Variants in ALX1 observed in about 807,000 individuals in gnomAD.
The protein encoded by ALX1 is ALX homeobox protein 1.
A neutral mutation model predicts 31.7 loss-of-function variants in ALX1; 19 were observed. The ratio of observed to expected loss-of-function variants is 0.60; its 90% CI spans 0.42 to 0.88. The LOEUF (loss-of-function observed/expected upper bound fraction) is 0.88, where lower values mean the gene tolerates loss of function less well. Ranked by LOEUF, ALX1 falls within the 40% of genes least tolerant of loss-of-function variation. The pLI is 0.00. For missense variants in ALX1, 415 were observed against 407.8 expected (o/e 1.02, Z -0.15); for synonymous variants, 153 against 148.8 (o/e 1.03, Z -0.20).
chr12:85,284,923 G>GCT, intron 2 of ALX1, among the ~76,000 whole-genome samples: 2 of 151,994 alleles, frequency 1.3e-5, no homozygotes, highest in East Asian at 3.9e-4. Context: ...AAATTGTAAG[G>GCT]CTCTTACATC....
In ALX1 at chr12:85,286,908, TACA is replaced by T; in HGVS notation, c.592_594del (p.Gln198del). On this transcript the variant is annotated inframe_deletion, in exon 3 of 4. Coordinates refer to ENST00000316824, the MANE Select transcript of ALX1 (RefSeq NM_006982.3). Reference sequence around the variant, plus strand: ...AGAAAAAGGGAACGTTATGGCCAAATACAACAAGCGAAAAGCCATTTTGCTGCC... The same window carrying T: ...AGAAAAAGGGAACGTTATGGCCAAATACAAGCGAAAAGCCATTTTGCTGCC... The T allele has an allele frequency of 6.2e-7, 1 of 1,612,136 alleles. No homozygotes were observed. The highest frequency in any genetic ancestry group is 8.5e-7 in the Non-Finnish European group (1 of 1,178,602).
intron 3 of ALX1, among the ~76,000 whole-genome samples, chr12:85,287,205 T>G (rs1896760057): frequency 6.6e-6 from 1 of 151,818 alleles, no homozygotes; most frequent in Non-Finnish European, 1.5e-5. Flanking sequence ...GGTATTTTTT[T>G]CTTTTGAATT....
chr12:85,301,087 CT>C, intron 3 of ALX1, 67 bp from the exon 4 acceptor site: 1 of 1,579,580 alleles, frequency 6.3e-7, no homozygotes, highest in Non-Finnish European at 8.7e-7. Flanking sequence ...GTAAATACAA[CT>C]TAACAAAAGT....
chr12:85,287,066 A>C, intron 3 of ALX1, 85 bp downstream of exon 3: 10 of 1,430,290 alleles, frequency 7.0e-6, no homozygotes, highest in Non-Finnish European at 9.7e-6. Context: ...GCTTTATTAT[A>C]TGTAAGATAA....
chr12:85,292,407 T>C (rs971192887), intron 3 of ALX1, among the ~76,000 whole-genome samples: 1 of 151,094 alleles, frequency 6.6e-6, no homozygotes, highest in African/African-American at 2.4e-5. Context: ...GAGGTTTCAC[T>C]GAGTATTGTA....
At chr12:85,296,633 A>G (rs1347849869) in intron 3 of ALX1, among the ~76,000 whole-genome samples, 1 of 151,674 alleles carries the variant, frequency 6.6e-6, no homozygotes, top group Non-Finnish European at 1.5e-5. Flanking sequence ...ATTTAAAAAA[A>G]AAGTTTCAGA....
At position 85,301,721 on chromosome 12, in the gene ALX1, T is replaced by C. The variant is rs1896969772; in HGVS notation, c.*246T>C. ...TGTTTTAGTAGTAAGGTTTTCTTTT[T>C]CTATTGTACAAGTCAATGAAATATG... On this transcript the variant is annotated 3_prime_UTR_variant, in exon 4 of 4. Coordinates refer to ENST00000316824, the MANE Select transcript of ALX1 (RefSeq NM_006982.3). 1.8e-6 allele frequency: 1 copy of C among 545,170 alleles called. No individual in the cohort carries two copies. The highest frequency in any genetic ancestry group is 3.2e-6 in the Non-Finnish European group (1 of 308,994). The allele number at this position is 545,170 out of a possible 1,614,324, so 33.8% of individuals were successfully genotyped here. A position where few individuals can be genotyped will look rare whatever the true frequency, so the allele number is the denominator to read the frequency against.
intron 3 of ALX1, among the ~76,000 whole-genome samples, chr12:85,299,521 T>C (rs1258650813): frequency 5.3e-5 from 8 of 151,730 alleles, no homozygotes; most frequent in Non-Finnish European, 1.2e-4. Flanking sequence ...TTTCTACATA[T>C]GTATATATTT....
chr12:85,280,719 C>A (rs887225323), intron 1 of ALX1, among the ~76,000 whole-genome samples: 1 of 152,148 alleles, frequency 6.6e-6, no homozygotes, highest in East Asian at 1.9e-4. Flanking sequence ...TGCCTCTGAG[C>A]GATTCTCCTT....
chr12:85,289,546 T>A (rs1896790236), intron 3 of ALX1, among the ~76,000 whole-genome samples: 1 of 151,238 alleles, frequency 6.6e-6, no homozygotes, highest in Admixed American at 6.6e-5. Context: ...CATAATTTTG[T>A]ATACATTGGC....
intron 3 of ALX1, among the ~76,000 whole-genome samples, chr12:85,291,663 T>A (rs192771020): frequency 3.6e-4 from 54 of 151,148 alleles, no homozygotes; most frequent in Non-Finnish European, 7.4e-4. Flanking sequence ...AACTTTGACT[T>A]GATCTTCAGA....
At chr12:85,289,844 T>C (rs904905762) in intron 3 of ALX1, among the ~76,000 whole-genome samples, 1 of 151,266 alleles carries the variant, frequency 6.6e-6, no homozygotes, top group Non-Finnish European at 1.5e-5. Context: ...TCTCAAGAGT[T>C]AGCCTAAATG....
intron 3 of ALX1, among the ~76,000 whole-genome samples, chr12:85,300,222 T>C (rs961343537): frequency 2.6e-5 from 4 of 152,064 alleles, no homozygotes; most frequent in African/African-American, 9.7e-5. Context: ...GTCTATATCA[T>C]GTTTCTTTTA....
intron 3 of ALX1, among the ~76,000 whole-genome samples, chr12:85,288,756 A>G (rs2137382468): frequency 6.6e-6 from 1 of 151,640 alleles, no homozygotes; most frequent in African/African-American, 2.4e-5. Context: ...ACCAGAGACA[A>G]TTTGGTTCCC....
chr12:85,299,259 G>C (rs13353080), intron 3 of ALX1, among the ~76,000 whole-genome samples: 10,629 of 151,208 alleles, frequency 0.07, 1,184 homozygotes, highest in African/African-American at 0.24. Context: ...GGAAAATCAC[G>C]CAGATGAAGT....
chr12:85,280,501 G>C lies in ALX1; in HGVS notation c.226+14G>C. 1 of 1,607,544 alleles carries C rather than the reference G, an allele frequency of 6.2e-7. No homozygotes were observed. Among genetic ancestry groups the C allele is most frequent in the Admixed American group, 1.7e-5 (1 of 59,854 alleles). On this transcript the variant is annotated intron_variant, in intron 1 of 3. Transcript: ENST00000316824. The stretch of plus-strand genomic sequence containing the variant: ...AGGACAGCAGCGGTGAGTCGCTAGC[G>C]CCCCAGCCGGAGCCGCCGCAGCCCT...
intron 3 of ALX1, among the ~76,000 whole-genome samples, chr12:85,288,174 T>C (rs1896773024): frequency 6.6e-6 from 1 of 151,428 alleles, no homozygotes. Context: ...ACGGGCTCAA[T>C]TGAGTTAAGG....
At position 85,286,983 on chromosome 12, in the gene ALX1, T is replaced by C; in HGVS notation, c.660+2T>C. ...CCAAGGACTGACAGCTACCCACAGG[T>C]ATGCTAAACTACACAGAATACTGAT... On this transcript the variant is annotated splice_donor_variant, in intron 3 of 3. Coordinates refer to ENST00000316824, the MANE Select transcript of ALX1 (RefSeq NM_006982.3). LOFTEE classifies it high-confidence loss of function. The C allele has an allele frequency of 6.2e-7, 1 of 1,611,854 alleles. No individual in the cohort carries two copies. The highest frequency in any genetic ancestry group is 8.5e-7 in the Non-Finnish European group (1 of 1,178,332).
intron 1 of ALX1, among the ~76,000 whole-genome samples, chr12:85,282,087 C>G (rs1896681723): frequency 6.6e-6 from 1 of 152,124 alleles, no homozygotes. Context: ...CCCTTAGCCT[C>G]TCTGATGCTT....
Sources: allele counts gnomAD v4.1 joint callset (sites outside exome capture counted in the v4.1 genomes callset), GRCh38; gene constraint gnomAD v4.1.1; transcripts MANE v1.5; gene names NCBI Gene and HGNC (gene_info 2026-07-23, HGNC 2026-07-21).